The following SAMMSON variants were observed in gnomAD, a reference collection of about 807,000 sequenced individuals.
SAMMSON encodes long intergenic non-protein coding RNA 1212.
At chr3:70,402,092 A>T (rs187759275) in intron 2 of SAMMSON, among the ~76,000 whole-genome samples, 7 of 152,294 alleles carry the variant, frequency 4.6e-5, no homozygotes, top group African/African-American at 1.7e-4. Flanking sequence ...AGTATTGTCC[A>T]TAGTCTCAAA....
chr3:70,212,282 T>C (rs1701358980), intron 4 of SAMMSON, among the ~76,000 whole-genome samples: 1 of 152,174 alleles, frequency 6.6e-6, no homozygotes. Context: ...TAACTGTCTA[T>C]TGGACATTTT....
intron 4 of SAMMSON, among the ~76,000 whole-genome samples, chr3:70,129,471 T>C (rs574300074): frequency 5.3e-5 from 8 of 152,308 alleles, no homozygotes; most frequent in Admixed American, 3.9e-4. Context: ...TGATAGTATA[T>C]GTTTGACATG....
intron 9 of SAMMSON, among the ~76,000 whole-genome samples, chr3:70,370,647 A>T (rs1702961476): frequency 6.6e-6 from 1 of 151,864 alleles, no homozygotes; most frequent in African/African-American, 2.4e-5. Context: ...CCACTTTTTA[A>T]TAGAGTTATT....
intron 1 of SAMMSON, among the ~76,000 whole-genome samples, chr3:70,007,347 G>T (rs2066931807): frequency 6.6e-6 from 1 of 152,136 alleles, no homozygotes; most frequent in Non-Finnish European, 1.5e-5. Context: ...ATTCTAACTG[G>T]TGTGAGATGG....
intron 2 of SAMMSON, among the ~76,000 whole-genome samples, chr3:70,428,933 CT>C (rs945845830): frequency 3.9e-4 from 60 of 152,108 alleles, no homozygotes; most frequent in African/African-American, 1.3e-3. Context: ...GATCATTGCC[CT>C]TATGGAACTT....
chr3:70,270,826 T>C (rs139485744), intron 6 of SAMMSON, among the ~76,000 whole-genome samples: 17 of 151,580 alleles, frequency 1.1e-4, no homozygotes, highest in African/African-American at 3.4e-4. Context: ...TAAGTGGGAG[T>C]TGAGCAATTA....
At chr3:70,385,399 T>C (rs1703112303) in intron 9 of SAMMSON, among the ~76,000 whole-genome samples, 1 of 152,052 alleles carries the variant, frequency 6.6e-6, no homozygotes, top group South Asian at 2.1e-4. Context: ...GAACATTTCA[T>C]TGTTGTAGGT....
At chr3:70,060,826 C>A (rs1015800277) in intron 3 of SAMMSON, among the ~76,000 whole-genome samples, 8 of 152,002 alleles carry the variant, frequency 5.3e-5, no homozygotes, top group Admixed American at 3.9e-4. Flanking sequence ...ATTAGCAAAG[C>A]TTAGAATATG....
At chr3:70,180,817 C>T (rs974204694) in intron 4 of SAMMSON, among the ~76,000 whole-genome samples, 8 of 152,028 alleles carry the variant, frequency 5.3e-5, no homozygotes, top group Admixed American at 2.0e-4. Context: ...TTAAGTGCTG[C>T]GAAGGCTAAG....
intron 4 of SAMMSON, chr3:70,125,449 A>G: frequency 1.2e-6 from 1 of 865,578 alleles, no homozygotes; most frequent in Non-Finnish European, 1.9e-6. Flanking sequence ...ATTCCCTTCT[A>G]GAAATACATT....
At chr3:70,032,957 C>A (rs1214040223) in intron 3 of SAMMSON, among the ~76,000 whole-genome samples, 1 of 152,118 alleles carries the variant, frequency 6.6e-6, no homozygotes, top group Non-Finnish European at 1.5e-5. Context: ...TTTCGTTGCC[C>A]AGGTGGGGGA....
chr3:70,355,514 A>C (rs958856600), intron 8 of SAMMSON, among the ~76,000 whole-genome samples: 1 of 152,186 alleles, frequency 6.6e-6, no homozygotes, highest in Non-Finnish European at 1.5e-5. Flanking sequence ...AGAATCTTTT[A>C]AAATGCTTGC....
intron 4 of SAMMSON, among the ~76,000 whole-genome samples, chr3:70,162,211 C>A (rs1289730060): frequency 6.6e-6 from 1 of 151,736 alleles, no homozygotes; most frequent in Non-Finnish European, 1.5e-5. Flanking sequence ...TTTCAAGGAT[C>A]TTAAGATGTA....
At chr3:70,166,250 G>A (rs1025039022) in intron 4 of SAMMSON, among the ~76,000 whole-genome samples, 4 of 151,950 alleles carry the variant, frequency 2.6e-5, no homozygotes, top group Non-Finnish European at 5.9e-5. Context: ...GTGAAAAAAT[G>A]TCCTGGTTAT....
At chr3:70,326,060 G>C (rs1702578813) in intron 7 of SAMMSON, among the ~76,000 whole-genome samples, 1 of 152,098 alleles carries the variant, frequency 6.6e-6, no homozygotes, top group Non-Finnish European at 1.5e-5. Context: ...GCCTGATCTT[G>C]AGATCGGCAT....
intron 4 of SAMMSON, among the ~76,000 whole-genome samples, chr3:70,197,722 T>C (rs969495350): frequency 6.6e-6 from 1 of 152,258 alleles, no homozygotes; most frequent in African/African-American, 2.4e-5. Context: ...TAAATGCTTT[T>C]TAAAATAATC....
intron 9 of SAMMSON, among the ~76,000 whole-genome samples, chr3:70,362,849 T>C (rs940674600): frequency 4.7e-5 from 7 of 150,534 alleles, no homozygotes; most frequent in African/African-American, 9.8e-5. Context: ...GTAACAAGTG[T>C]TATGTATGGG....
intron 4 of SAMMSON, among the ~76,000 whole-genome samples, chr3:70,161,149 T>G (rs2067613828): frequency 6.6e-6 from 1 of 152,026 alleles, no homozygotes; most frequent in Admixed American, 6.6e-5. Flanking sequence ...GATGTCTTTC[T>G]TTTGTATGCC....
At chr3:70,120,217 T>A (rs145802007) in intron 4 of SAMMSON, 2 of 152,306 alleles carry the variant, frequency 1.3e-5, no homozygotes, top group East Asian at 3.9e-4. Context: ...TTCACCACAT[T>A]TTCCCCACAC....
Sources: allele counts gnomAD v4.1 joint callset (sites outside exome capture counted in the v4.1 genomes callset), GRCh38; gene constraint gnomAD v4.1.1; transcripts MANE v1.5; gene names NCBI Gene and HGNC (gene_info 2026-07-23, HGNC 2026-07-21).